PARD3B: variants seen among roughly 807,000 people sequenced by gnomAD.
PARD3B encodes par-3 family cell polarity regulator beta, also known as partitioning defective 3 homolog B.
In PARD3B, 103 loss-of-function variants were observed where a neutral mutation model predicts 130.2. That is an observed-to-expected ratio of 0.79 (90% CI 0.67 to 0.93). The LOEUF (loss-of-function observed/expected upper bound fraction) is 0.93, where lower values mean the gene tolerates loss of function less well. Among genes scored for constraint, PARD3B ranks in the 40% least tolerant of loss-of-function variants. The pLI is 0.00. For missense variants in PARD3B, 1,609 were observed against 1,499.2 expected, an observed-to-expected ratio of 1.07 and a Z score of -1.21; for synonymous variants, 583 against 553.2, an observed-to-expected ratio of 1.05 and a Z score of -0.76.
At chr2:204,942,408 A>G (rs188578851) in intron 2 of PARD3B, among the ~76,000 whole-genome samples, 1 of 152,302 alleles carries the variant, frequency 6.6e-6, no homozygotes, top group East Asian at 1.9e-4. Context: ...TTCCAGTCAG[A>G]TAAATAAACC....
chr2:205,429,164 T>C (rs73985020), intron 19 of PARD3B, among the ~76,000 whole-genome samples: 5,331 of 152,308 alleles, frequency 0.035, 317 homozygotes, highest in African/African-American at 0.12. Flanking sequence ...ATGTGTATTA[T>C]ATATTATGGA....
chr2:204,834,972 A>G (rs1444133200), intron 2 of PARD3B, among the ~76,000 whole-genome samples: 1 of 152,226 alleles, frequency 6.6e-6, no homozygotes, highest in Non-Finnish European at 1.5e-5. Context: ...TCCTAGTGTC[A>G]CCACTTACCT....
intron 14 of PARD3B, among the ~76,000 whole-genome samples, chr2:205,189,199 C>T (rs1341979595): frequency 6.6e-6 from 1 of 152,178 alleles, no homozygotes; most frequent in African/African-American, 2.4e-5. Context: ...ACTACTCTCA[C>T]TCATAGAAGC....
chr2:205,290,064 T>G (rs1432790594), intron 16 of PARD3B, among the ~76,000 whole-genome samples: 6 of 152,214 alleles, frequency 3.9e-5, no homozygotes, highest in Non-Finnish European at 7.3e-5. Context: ...AGCAATTGCT[T>G]TAAAGAGTAA....
At chr2:205,523,815 C>CTTT (rs11307073) in intron 21 of PARD3B, among the ~76,000 whole-genome samples, 1 of 121,444 alleles carries the variant, frequency 8.2e-6, no homozygotes, top group African/African-American at 3.1e-5. Context: ...CTCTGATAAC[C>CTTT]TTTTTTTTTT....
intron 2 of PARD3B, among the ~76,000 whole-genome samples, chr2:204,695,263 T>C (rs2037556400): frequency 6.6e-6 from 1 of 152,036 alleles, no homozygotes. Flanking sequence ...ATTATTTTTT[T>C]TTAATATACA....
chr2:204,947,753 A>C (rs1350625615), intron 2 of PARD3B, among the ~76,000 whole-genome samples: 1 of 152,154 alleles, frequency 6.6e-6, no homozygotes, highest in East Asian at 1.9e-4. Flanking sequence ...AGGTTATGAA[A>C]TAACACCTTT....
Position 205,185,872 on chromosome 2 carries a change from A to T in PARD3B, c.2024+9A>T. On this transcript the variant is annotated intron_variant, in intron 14 of 22. Transcript: ENST00000406610. ...GAAGATTACAGCCACAGGTATTGAT[A>T]AAATGATGTATCGTAAATGCTCCTT... is the stretch of plus-strand genomic sequence containing the variant. 1 of 1,601,368 alleles carries T rather than the reference A, an allele frequency of 6.2e-7. No homozygotes were observed. The highest frequency in any genetic ancestry group is 8.6e-7 in the Non-Finnish European group (1 of 1,168,358).
chr2:205,611,505 C>T (rs2055228948), intron 22 of PARD3B, among the ~76,000 whole-genome samples: 1 of 152,178 alleles, frequency 6.6e-6, no homozygotes, highest in Non-Finnish European at 1.5e-5. Flanking sequence ...TGCTTCTTTA[C>T]ATGTAAATAA....
intron 21 of PARD3B, among the ~76,000 whole-genome samples, chr2:205,549,340 A>T (rs1227432534): frequency 6.6e-6 from 1 of 152,098 alleles, no homozygotes; most frequent in Non-Finnish European, 1.5e-5. Context: ...CCTGCACATA[A>T]ATGTTTACGT....
chr2:205,217,866 GTGTATATA>G (rs1371337391), intron 15 of PARD3B, among the ~76,000 whole-genome samples: 1,459 of 60,640 alleles, frequency 0.024, 105 homozygotes, highest in East Asian at 0.066. Flanking sequence ...GTGTGTGTGT[GTGTATATA>G]TATATATATA....
At chr2:204,631,561 A>C (rs1344912871) in intron 1 of PARD3B, among the ~76,000 whole-genome samples, 1 of 152,116 alleles carries the variant, frequency 6.6e-6, no homozygotes. Context: ...CTTGGTTCTT[A>C]ATCCAGCTTG....
At chr2:204,957,139 A>C (rs1276871361) in intron 2 of PARD3B, among the ~76,000 whole-genome samples, 1 of 152,198 alleles carries the variant, frequency 6.6e-6, no homozygotes, top group Non-Finnish European at 1.5e-5. Flanking sequence ...CCAACTTGTC[A>C]AGGGATAACA....
intron 18 of PARD3B, among the ~76,000 whole-genome samples, chr2:205,374,799 C>A (rs929695265): frequency 1.3e-5 from 2 of 151,914 alleles, no homozygotes; most frequent in African/African-American, 4.8e-5. Flanking sequence ...AAGAGTGTAA[C>A]CATAAAATGA....
chr2:204,969,469 C>T (rs1410524184), intron 3 of PARD3B, among the ~76,000 whole-genome samples: 2 of 152,186 alleles, frequency 1.3e-5, no homozygotes, highest in Non-Finnish European at 2.9e-5. Flanking sequence ...AAGATGTATG[C>T]ATGCCTCAGA....
rs149612320 is a variant in PARD3B, at chr2:204,888,457, A to AAG, written c.223-76692_223-76691dup. On this transcript the variant is annotated intron_variant, in intron 2 of 22. Coordinates refer to ENST00000406610, the MANE Select transcript of PARD3B (RefSeq NM_001302769.2). The stretch of plus-strand genomic sequence containing the variant: ...GGACATAAATGTGTTAGAAGGTGTG[A>AAG]AGAGTGACTCATCCCTATAATCCTG... Among the ~76,000 whole-genome samples the AAG allele has an allele frequency of 8.7e-3, 1,324 of 152,232 alleles. 17 individuals are homozygous for AAG. The highest frequency in any genetic ancestry group is 0.029 in the African/African-American group (1,199 of 41,532).
intron 18 of PARD3B, among the ~76,000 whole-genome samples, chr2:205,392,339 T>C (rs930871595): frequency 1.3e-5 from 2 of 152,160 alleles, no homozygotes; most frequent in Non-Finnish European, 2.9e-5. Flanking sequence ...TGACCACCAA[T>C]TTCAGGGCCA....
intron 2 of PARD3B, among the ~76,000 whole-genome samples, chr2:204,751,623 G>A (rs13409132): frequency 0.16 from 24,495 of 152,120 alleles, 4,156 homozygotes; most frequent in African/African-American, 0.43. Context: ...CTGGTTTCCA[G>A]TACATCTGTC....
chr2:205,156,522 A>G (rs2034178116), intron 10 of PARD3B, among the ~76,000 whole-genome samples: 1 of 142,578 alleles, frequency 7.0e-6, no homozygotes, highest in African/African-American at 2.7e-5. Context: ...ACCACTCAGA[A>G]GTATTCACTA....
Sources: gnomAD v4.1 joint callset for allele counts (sites outside exome capture counted in the v4.1 genomes callset) on GRCh38, gnomAD v4.1.1 for gene constraint, MANE v1.5 for transcripts, NCBI Gene and HGNC (gene_info 2026-07-23, HGNC 2026-07-21) for gene names.